CLCN5: variants seen among roughly 807,000 people sequenced by gnomAD.
CLCN5 encodes H(+)/Cl(-) exchange transporter 5.
In CLCN5, 17 loss-of-function variants were observed where a neutral mutation model predicts 54.0. That is an observed-to-expected ratio of 0.31 (90% CI 0.22 to 0.47). The LOEUF (loss-of-function observed/expected upper bound fraction) is 0.47, where lower values mean the gene tolerates loss of function less well. CLCN5 is among the 20% of genes least tolerant of loss of function. The pLI is 1.00. For synonymous variants in CLCN5, 222 were observed against 233.0 expected, an observed-to-expected ratio of 0.95 and a Z score of 0.43; for missense variants, 448 against 646.7, an observed-to-expected ratio of 0.69 and a Z score of 3.33.
At chrX:50,076,145 A>G (rs1933395218) in intron 7 of CLCN5, among the ~76,000 whole-genome samples, 163 bp downstream of exon 7, 1 of 112,135 alleles carries the variant, frequency 8.9e-6, no homozygotes, top group African/African-American at 3.2e-5. Context: ...GTGCAGCTCT[A>G]TTTCCATCTC....
chrX:49,962,108 C>T (rs1557174769), intron 3 of CLCN5, among the ~76,000 whole-genome samples: 1 of 111,775 alleles, frequency 8.9e-6, no homozygotes, highest in Non-Finnish European at 1.9e-5. Context: ...CAGTACAGGT[C>T]CCTCTTGGTT....
intron 3 of CLCN5, among the ~76,000 whole-genome samples, chrX:49,984,806 C>T (rs958316309): frequency 2.7e-5 from 3 of 110,164 alleles, no homozygotes; most frequent in Non-Finnish European, 5.7e-5. Flanking sequence ...TTTGTAGAGA[C>T]GGGATCTCAC....
At chrX:49,999,391 A>G (rs1255398004) in intron 3 of CLCN5, among the ~76,000 whole-genome samples, 2 of 103,717 alleles carry the variant, frequency 1.9e-5, no homozygotes, top group African/African-American at 7.1e-5. Context: ...AGCATGCATT[A>G]TTGGAGAGTG....
intron 3 of CLCN5, among the ~76,000 whole-genome samples, chrX:49,969,084 C>CT (rs1286837554): frequency 5.7e-4 from 59 of 104,159 alleles, no homozygotes; most frequent in Admixed American, 1.1e-3. Context: ...TTCTTTCTTT[C>CT]TTTTTTTTTT....
chrX:50,013,219 C>G lies in CLCN5; in HGVS notation c.17-29097C>G, dbSNP rs782217664. ...TCTTTCTCTCTCCTCCCCCACCCCC[C>G]TCCCATGTGCAGAAGAATGAACTGC... On this transcript the variant is annotated intron_variant, in intron 3 of 14. Coordinates refer to ENST00000376091, the MANE Select transcript of CLCN5 (RefSeq NM_001127898.4). 3.0e-4 allele frequency: 47 copies of G among 157,942 alleles called. No homozygotes were observed. The East Asian group carries it at 7.7e-3, about 26-fold the overall frequency. The allele number at this position is 157,942 out of a possible 1,213,427, so 13.0% of individuals were successfully genotyped here.
At chrX:50,015,664 G>T (rs1371568939) in intron 3 of CLCN5, among the ~76,000 whole-genome samples, 1 of 109,360 alleles carries the variant, frequency 9.1e-6, no homozygotes, top group Admixed American at 1.0e-4. Context: ...CATCCTTAGC[G>T]CCTGAGCCTG....
intron 3 of CLCN5, among the ~76,000 whole-genome samples, chrX:49,978,962 G>C (rs1204124648): frequency 9.0e-6 from 1 of 111,421 alleles, no homozygotes; most frequent in Non-Finnish European, 1.9e-5. Context: ...CACTGGAGAT[G>C]TAGAGGTCTG....
intron 3 of CLCN5, among the ~76,000 whole-genome samples, chrX:50,010,905 T>C (rs1028246397): frequency 2.9e-5 from 3 of 105,122 alleles, no homozygotes; most frequent in Non-Finnish European, 5.8e-5. Flanking sequence ...CTTCATGGAG[T>C]GTACAGTTCA....
rs970024977 is a variant in CLCN5, at chrX:50,077,613, A to T, written c.603+1631A>T. On this transcript the variant is annotated intron_variant, in intron 7 of 14. Transcript: ENST00000376091. ...GTGTGAAAGAGAGAGAGAGAGAGAG[A>T]GAGAGAGAGTGTGTGTGTGTGTGTG... is the stretch of plus-strand genomic sequence containing the variant. Among the ~76,000 whole-genome samples the T allele has an allele frequency of 2.9e-3, 264 of 91,115 alleles. 1 individual carries two copies. The highest frequency in any genetic ancestry group is 0.012 in the African/African-American group (254 of 20,657). 79.1% of individuals were successfully genotyped at this position (91,115 alleles called of 115,157 possible).
At chrX:50,028,413 C>A (rs191561613) in intron 3 of CLCN5, among the ~76,000 whole-genome samples, 1 of 111,799 alleles carries the variant, frequency 8.9e-6, no homozygotes, top group African/African-American at 3.2e-5. Flanking sequence ...AGTGTGAGGT[C>A]CCCCTAAGAC....
chrX:49,932,988 C>T (rs970588909), intron 3 of CLCN5, among the ~76,000 whole-genome samples: 10 of 111,566 alleles, frequency 9.0e-5, no homozygotes, highest in African/African-American at 2.9e-4. Flanking sequence ...GGTGAATTGA[C>T]GAGAAAGCTT....
At position 50,092,851 on chromosome X, in the gene CLCN5, T is replaced by G; in HGVS notation, c.*632T>G. 1 of 114,891 alleles carries G rather than the reference T, an allele frequency of 8.7e-6. No homozygotes were observed. Among genetic ancestry groups the G allele is most frequent in the Non-Finnish European group, 1.9e-5 (1 of 53,949 alleles). The allele number at this position is 114,891 out of a possible 1,213,427, so 9.5% of individuals were successfully genotyped here. A position where few individuals can be genotyped will look rare whatever the true frequency, so the allele number is the denominator to read the frequency against. ...GACAATGCTGCTTTGGTTAATCTCT[T>G]CTAAATGAATTTAGAGAGATTGACT... On this transcript the variant is annotated 3_prime_UTR_variant, in exon 15 of 15. Transcript: ENST00000376091.
intron 3 of CLCN5, among the ~76,000 whole-genome samples, chrX:50,002,739 G>A (rs111705989): frequency 9.3e-6 from 1 of 108,092 alleles, no homozygotes; most frequent in Non-Finnish European, 1.9e-5. Context: ...GACACAAAGT[G>A]GTTGGTGGCT....
chrX:50,026,020 C>T (rs1931370917), intron 3 of CLCN5, among the ~76,000 whole-genome samples: 1 of 112,058 alleles, frequency 8.9e-6, no homozygotes, highest in Non-Finnish European at 1.9e-5. Flanking sequence ...GCATTCAATA[C>T]TATAAATATC....
intron 4 of CLCN5, among the ~76,000 whole-genome samples, chrX:50,060,082 T>C (rs1932826319): frequency 1.9e-5 from 2 of 107,954 alleles, no homozygotes; most frequent in Admixed American, 1.0e-4. Flanking sequence ...GTTAGGCACA[T>C]TACCCTCTTT....
At chrX:50,017,682 C>G (rs1261157846) in intron 3 of CLCN5, among the ~76,000 whole-genome samples, 1 of 98,185 alleles carries the variant, frequency 1.0e-5, no homozygotes, top group Non-Finnish European at 2.1e-5. Context: ...CCTCTAGATT[C>G]ATTTTTTTTT....
chrX:50,074,667 C>T (rs1428050792), intron 6 of CLCN5, among the ~76,000 whole-genome samples: 1 of 112,295 alleles, frequency 8.9e-6, no homozygotes, highest in Non-Finnish European at 1.9e-5. Context: ...GCTTCCCGCC[C>T]GTTGGAATGT....
intron 3 of CLCN5, chrX:50,014,831 G>A (rs1557183285): frequency 8.9e-6 from 2 of 225,105 alleles, no homozygotes; most frequent in African/African-American, 6.4e-5. Flanking sequence ...CTGTGTATTA[G>A]AATAAATGTC....
intron 3 of CLCN5, among the ~76,000 whole-genome samples, chrX:49,953,867 G>T (rs1481846635): frequency 8.9e-6 from 1 of 111,986 alleles, no homozygotes; most frequent in East Asian, 2.8e-4. Flanking sequence ...CCAATCCTGT[G>T]TATTCTCGTT....
Sources: gnomAD v4.1 joint callset for allele counts (sites outside exome capture counted in the v4.1 genomes callset) on GRCh38, gnomAD v4.1.1 for gene constraint, MANE v1.5 for transcripts, NCBI Gene and HGNC (gene_info 2026-07-23, HGNC 2026-07-21) for gene names.